Variants in TMC2 observed in about 807,000 individuals in gnomAD.
TMC2 encodes the protein transmembrane channel like 2.
Under a neutral mutation model 105.9 loss-of-function variants are expected in TMC2, and 102 were observed. That is an observed-to-expected ratio of 0.96 (90% CI 0.82 to 1.14). The LOEUF is 1.14. Ranked by LOEUF, TMC2 falls within the 50% of genes most tolerant of loss-of-function variation. The pLI, the probability that TMC2 is intolerant of heterozygous loss-of-function variation, is 0.00. For synonymous variants in TMC2, 402 were observed against 422.8 expected, an observed-to-expected ratio of 0.95 and a Z score of 0.60; for missense variants, 1,093 against 1,134.3, an observed-to-expected ratio of 0.96 and a Z score of 0.52.
chr20:2,617,424 A>G, intron 16 of TMC2, 113 bp downstream of exon 16: 1 of 1,390,110 alleles, frequency 7.2e-7, no homozygotes, highest in Non-Finnish European at 9.8e-7. Context: ...AGGCCATGGA[A>G]CTTTGGGTGA....
rs139352965 is a variant in TMC2, at chr20:2,613,212, G to C, written c.1762G>C (p.Val588Leu). The C allele has an allele frequency of 5.6e-5, 91 of 1,613,658 alleles. No individual in the cohort carries two copies. In the African/African-American group the frequency reaches 9.6e-4, roughly 17 times the overall value. The change falls in exon 14 of 20, where the codon GTG (valine) becomes CTG (leucine). Residue 588 changes from valine (V) to leucine (L), a missense_variant. Physicochemically the swap from Val to Leu is conservative, Grantham distance 32. Coordinates refer to ENST00000358864, the MANE Select transcript of TMC2 (RefSeq NM_080751.3). ...AVGIEFMRLTVSDMLVTYITI... is the reference protein window; with the variant it reads ...AVGIEFMRLTLSDMLVTYITI... ...TCTGCAGGAATTCATGAGGCTGACG[G>C]TGTCTGACATGCTGGTAACGTACAT...
rs758572454 is a variant in TMC2 at position 2,617,176 on chromosome 20, A to G, written c.2045A>G (p.His682Arg). 4 of 1,614,144 alleles carry G rather than the reference A, an allele frequency of 2.5e-6. No individual in the cohort carries two copies. The highest frequency in any genetic ancestry group is 3.4e-6 in the Non-Finnish European group (4 of 1,180,026). The change falls in exon 16 of 20, where the codon CAT (histidine) becomes CGT (arginine). Residue 682 changes from histidine to arginine, a missense_variant. His to Arg is a conservative substitution (Grantham distance 29). Transcript: ENST00000358864. ...GCGGTGATGAGCAGCAACGTACCCC[A>G]TGAACGCGTGTTCAAAGCCTCCCGA... The part of the protein sequence containing the change: ...CWAVMSSNVP[H>R]ERVFKASRSN...
At chr20:2,589,446 C>CT (rs959835891) in intron 7 of TMC2, among the ~76,000 whole-genome samples, 1 of 152,002 alleles carries the variant, frequency 6.6e-6, no homozygotes, top group African/African-American at 2.4e-5. Context: ...TTCTTCAGCC[C>CT]TTTGACTATT....
intron 4 of TMC2, among the ~76,000 whole-genome samples, chr20:2,564,816 C>T (rs1011899393): frequency 6.6e-6 from 1 of 152,144 alleles, no homozygotes; most frequent in African/African-American, 2.4e-5. Context: ...AGTGGGCCTC[C>T]CCAGCAAACA....
intron 2 of TMC2, among the ~76,000 whole-genome samples, chr20:2,546,605 G>T (rs2085927937): frequency 6.6e-6 from 1 of 151,830 alleles, no homozygotes; most frequent in Non-Finnish European, 1.5e-5. Context: ...AGTAATTTTA[G>T]GATGGTGTAT....
At position 2,613,254 on chromosome 20, in the gene TMC2, G is replaced by A. The variant is rs775859652; in HGVS notation, c.1804G>A (p.Asp602Asn). The A allele has an allele frequency of 1.9e-6, 3 of 1,614,082 alleles. No homozygotes were observed. Among genetic ancestry groups the A allele is most frequent in the East Asian group, 2.2e-5 (1 of 44,878 alleles). The change falls in exon 14 of 20, where the codon GAC becomes AAC. Residue 602 changes from aspartate to asparagine, a missense_variant. By Grantham distance (23) the Asp-to-Asn change is conservative (BLOSUM62 1). Transcript: ENST00000358864. ...AACGTACATCACCATCCTGCTGGGG[G>A]ACTTCCTACGGGCTTGTTTTGTGCG... is the stretch of plus-strand genomic sequence containing the variant. ...LVTYITILLG[D>N]FLRACFVRFM...
chr20:2,614,480 C>G (rs1344031781), intron 14 of TMC2, among the ~76,000 whole-genome samples: 1 of 152,090 alleles, frequency 6.6e-6, no homozygotes, highest in Non-Finnish European at 1.5e-5. Flanking sequence ...TGGTGCATGC[C>G]TGTAATCCCA....
At chr20:2,607,898 G>A (rs1280121370) in intron 11 of TMC2, among the ~76,000 whole-genome samples, 1 of 152,176 alleles carries the variant, frequency 6.6e-6, no homozygotes, top group African/African-American at 2.4e-5. Flanking sequence ...GCCAAGGCGG[G>A]TGGATCACCT....
rs2086690256 is a variant in TMC2, at chr20:2,641,588, A to T, written c.*237A>T. On this transcript the variant is annotated 3_prime_UTR_variant, in exon 20 of 20. Transcript: ENST00000358864. ...CATCTCTGCACTAACTGCCCTCCCA[A>T]ATATCTTGGTTCAGACAGCTCTGAA... 1 of 510,686 alleles carries T rather than the reference A, an allele frequency of 2.0e-6. No individual in the cohort carries two copies. The highest frequency in any genetic ancestry group is 1.9e-5 in the African/African-American group (1 of 52,254). 31.6% of individuals were successfully genotyped at this position (510,686 alleles called of 1,614,324 possible).
At chr20:2,596,789 G>C (rs2086311324) in intron 9 of TMC2, among the ~76,000 whole-genome samples, 1 of 151,810 alleles carries the variant, frequency 6.6e-6, no homozygotes, top group Non-Finnish European at 1.5e-5. Context: ...ACTTAGAAGG[G>C]GACGTTCCTG....
intron 2 of TMC2, among the ~76,000 whole-genome samples, chr20:2,545,782 G>A (rs1346158432): frequency 1.5e-5 from 2 of 136,706 alleles, no homozygotes; most frequent in African/African-American, 5.6e-5. Context: ...AGATGAAGAA[G>A]AAGACGAAGA....
At chr20:2,615,419 C>T (rs1568525702) in intron 14 of TMC2, among the ~76,000 whole-genome samples, 1 of 152,270 alleles carries the variant, frequency 6.6e-6, no homozygotes, top group Non-Finnish European at 1.5e-5. Context: ...TCTTTCCTAA[C>T]TTCTCATCTC....
chr20:2,581,253 C>T lies in TMC2; in HGVS notation c.834+1197C>T, dbSNP rs561083881. On this transcript the variant is annotated intron_variant, in intron 7 of 19. Coordinates refer to ENST00000358864, the MANE Select transcript of TMC2 (RefSeq NM_080751.3). The stretch of plus-strand genomic sequence containing the variant: ...GGAGGTTGACCATGCATTATAATAG[C>T]CTTTGGTAGCAAAGGAGTGTTACAT... 3.9e-5 allele frequency among the ~76,000 whole-genome samples: 6 copies of T among 152,260 alleles called. No homozygotes were observed. The East Asian group carries it at 7.7e-4, about 20-fold the overall frequency.
chr20:2,571,484 A>G (rs1448768199), intron 4 of TMC2, among the ~76,000 whole-genome samples: 1 of 152,206 alleles, frequency 6.6e-6, no homozygotes, highest in Non-Finnish European at 1.5e-5. Flanking sequence ...GGCTATTATT[A>G]AAAAGTCAAA....
At position 2,618,946 on chromosome 20, in the gene TMC2, T is replaced by A. The variant is rs576273403; in HGVS notation, c.2180+1635T>A. On this transcript the variant is annotated intron_variant, in intron 16 of 19. Coordinates refer to ENST00000358864, the MANE Select transcript of TMC2 (RefSeq NM_080751.3). ...TGGATCACTCATCCAGGGCTGGAAA[T>A]AGGGTGAGGCAGGTGAGTGACGCCC... Among the ~76,000 whole-genome samples, 6 of 152,196 alleles carry A rather than the reference T, an allele frequency of 3.9e-5. No individual in the cohort carries two copies. The South Asian group carries it at 1.2e-3, about 32-fold the overall frequency.
chr20:2,637,396 A>AAAAAAT lies in TMC2; in HGVS notation c.2386-77_2386-72dup, dbSNP rs1440591019. 3 of 868,720 alleles carry AAAAAAT rather than the reference A, an allele frequency of 3.5e-6. No homozygotes were observed. The African/African-American group carries it at 5.1e-5, about 15-fold the overall frequency. The allele number at this position is 868,720 out of a possible 1,614,324, so 53.8% of individuals were successfully genotyped here. A position where few individuals can be genotyped will look rare whatever the true frequency, so the allele number is the denominator to read the frequency against. On this transcript the variant is annotated intron_variant, in intron 18 of 19. Coordinates refer to ENST00000358864, the MANE Select transcript of TMC2 (RefSeq NM_080751.3). ...GAGTGAGACTCTGTCTCAAAAAAAA[A>AAAAAAT]AAAAATCACTCTCAACACCTCTGAG... is the stretch of plus-strand genomic sequence containing the variant.
chr20:2,588,691 T>TTGTGTGTGTGTG (rs57035040), intron 7 of TMC2, among the ~76,000 whole-genome samples: 7,123 of 143,486 alleles, frequency 0.05, 293 homozygotes, highest in African/African-American at 0.11. Flanking sequence ...GCATGTGTCT[T>TTGTGTGTGTGTG]TGTGTGTGTG....
rs753793516 is a variant in TMC2 at position 2,637,510 on chromosome 20, G to C, written c.2422G>C (p.Gly808Arg). 6.2e-7 allele frequency: 1 copy of C among 1,613,928 alleles called. No individual in the cohort carries two copies. Among genetic ancestry groups the C allele is most frequent in the Non-Finnish European group, 8.5e-7 (1 of 1,179,964 alleles). ...TGAGAAGAGTCACAAATCTGTAAAA[G>C]GCAAAGCCACAGCCAGAGATTCAGA... ...EVEKSHKSVK[G>R]KATARDSEDT... is the part of the protein sequence containing the mutation. Residue 808 changes from glycine to arginine, a missense_variant, in exon 19 of 20, where the codon GGC becomes CGC. Transcript: ENST00000358864.
At chr20:2,570,936 T>C (rs2086098611) in intron 4 of TMC2, among the ~76,000 whole-genome samples, 1 of 152,150 alleles carries the variant, frequency 6.6e-6, no homozygotes, top group Non-Finnish European at 1.5e-5. Flanking sequence ...CTGGGATAAC[T>C]GGCTAGACAT....
Sources: allele counts gnomAD v4.1 joint callset (sites outside exome capture counted in the v4.1 genomes callset), GRCh38; gene constraint gnomAD v4.1.1; transcripts MANE v1.5; gene names NCBI Gene and HGNC (gene_info 2026-07-23, HGNC 2026-07-21).